SLC43A2: variants seen among roughly 807,000 people sequenced by gnomAD.
SLC43A2 encodes solute carrier family 43 member 2.
In SLC43A2, 38 loss-of-function variants were observed where a neutral mutation model predicts 63.2. That is an observed-to-expected ratio of 0.60 (90% CI 0.46 to 0.79). SLC43A2 has a LOEUF of 0.79. Ranked by LOEUF, SLC43A2 falls within the 30% of genes least tolerant of loss-of-function variation. SLC43A2 has a pLI of 0.00. For synonymous variants in SLC43A2, 322 were observed against 331.0 expected, an observed-to-expected ratio of 0.97 and a Z score of 0.30; for missense variants, 644 against 756.2, an observed-to-expected ratio of 0.85 and a Z score of 1.74.
At chr17:1,601,002 A>G (rs898021395) in intron 5 of SLC43A2, among the ~76,000 whole-genome samples, 1 of 151,970 alleles carries the variant, frequency 6.6e-6, no homozygotes, top group African/African-American at 2.4e-5. Context: ...ATCGCGTTGC[A>G]TATTTGCTGC....
rs943040776 is a variant in SLC43A2 at position 1,616,322 on chromosome 17, C to T, written c.368+240G>A. The T allele has an allele frequency of 7.4e-6, 4 of 542,128 alleles. No individual in the cohort carries two copies. In the African/African-American group the frequency reaches 7.6e-5, roughly 10 times the overall value. 33.6% of individuals were successfully genotyped at this position (542,128 alleles called of 1,614,324 possible). ...GGAAACACATGTTCTTAGTGACAAG[C>T]AGCTCCGGTCCCTGGGCGGCCTGGA... is the stretch of plus-strand genomic sequence containing the variant. On this transcript the variant is annotated intron_variant, in intron 3 of 13. Coordinates refer to ENST00000301335, the MANE Select transcript of SLC43A2 (RefSeq NM_152346.3).
intron 5 of SLC43A2, among the ~76,000 whole-genome samples, chr17:1,602,573 G>C (rs1906158393): frequency 6.6e-6 from 1 of 151,758 alleles, no homozygotes; most frequent in African/African-American, 2.4e-5. Context: ...TTGAACCCCA[G>C]AGGCAGAGGT....
chr17:1,609,555 C>G (rs532606729), intron 5 of SLC43A2, among the ~76,000 whole-genome samples: 1 of 152,280 alleles, frequency 6.6e-6, no homozygotes, highest in East Asian at 1.9e-4. Context: ...TTAAAACATG[C>G]TAATCCTGTG....
At position 1,599,950 on chromosome 17, in the gene SLC43A2, G is replaced by A. The variant is rs865824314; in HGVS notation, c.502-6671C>T. On this transcript the variant is annotated intron_variant, in intron 5 of 13. Transcript: ENST00000301335. ...TCCCAGCTACTCGGGAGGCTGAGAC[G>A]GGAGAATGGCGTGAACCTGGGAGGC... 2.5e-3 allele frequency among the ~76,000 whole-genome samples: 359 copies of A among 144,810 alleles called. 3 individuals carry two copies. The highest frequency in any genetic ancestry group is 8.3e-3 in the African/African-American group (325 of 39,116).
At chr17:1,610,381 G>T (rs981807448) in intron 5 of SLC43A2, among the ~76,000 whole-genome samples, 85 of 149,848 alleles carry the variant, frequency 5.7e-4, no homozygotes, top group Non-Finnish European at 9.5e-4. Flanking sequence ...TCCCACCTCA[G>T]CCTCCCGAGG....
intron 5 of SLC43A2, among the ~76,000 whole-genome samples, chr17:1,607,654 T>C (rs1598478194): frequency 6.6e-6 from 1 of 151,930 alleles, no homozygotes; most frequent in Non-Finnish European, 1.5e-5. Context: ...AACAGTGACG[T>C]AGCAGCTTCC....
At position 1,605,767 on chromosome 17, in the gene SLC43A2, G is replaced by A. The variant is rs1906552849; in HGVS notation, c.501+7428C>T. On this transcript the variant is annotated intron_variant, in intron 5 of 13. Coordinates refer to ENST00000301335, the MANE Select transcript of SLC43A2 (RefSeq NM_152346.3). This position sits in a 1 kb window ranked among gnomAD's most constrained non-coding sequence, Gnocchi z 4.9. ...CTGCACAGGTAGACTCTGCCAGGCT[G>A]GGCTGTTTCCTACCCACAACAACCG... is the stretch of plus-strand genomic sequence containing the variant. Among the ~76,000 whole-genome samples the A allele has an allele frequency of 6.6e-6, 1 of 152,192 alleles. No individual in the cohort carries two copies. Among genetic ancestry groups the A allele is most frequent in the South Asian group, 2.1e-4 (1 of 4,828 alleles).
chr17:1,621,318 G>A lies in SLC43A2; in HGVS notation c.161-4549C>T, dbSNP rs117008518. Among the ~76,000 whole-genome samples the A allele has an allele frequency of 8.3e-3, 1,263 of 152,232 alleles. 9 individuals carry two copies. The highest frequency in any genetic ancestry group is 0.014 in the Non-Finnish European group (934 of 68,006). The stretch of plus-strand genomic sequence containing the variant: ...GGGGCCAAGAAGTACCTGGCTTGAG[G>A]TCCCCTCTAAATTCCTGAGCTGCCC... On this transcript the variant is annotated intron_variant, in intron 2 of 13. Coordinates refer to ENST00000301335, the MANE Select transcript of SLC43A2 (RefSeq NM_152346.3).
intron 5 of SLC43A2, among the ~76,000 whole-genome samples, chr17:1,609,669 A>G (rs1419233508): frequency 6.6e-6 from 1 of 152,212 alleles, no homozygotes; most frequent in Admixed American, 6.5e-5. Context: ...CCAAAAGTCC[A>G]TTAGTTGGAA....
At chr17:1,604,830 C>T in intron 5 of SLC43A2, 1 of 1,535,770 alleles carries the variant, frequency 6.5e-7, no homozygotes, top group Non-Finnish European at 8.7e-7. Flanking sequence ...CGTAGGTCAT[C>T]CTGACATCTG....
chr17:1,585,751 C>T lies in SLC43A2; in HGVS notation c.1217+162G>A, dbSNP rs551476965. The T allele has an allele frequency of 5.1e-5, 81 of 1,583,008 alleles. No individual in the cohort carries two copies. In the Middle Eastern group the frequency reaches 6.6e-4, roughly 13 times the overall value. ...CATAAAGAGGGGAGCAGTTGAAACG[C>T]ATGCTGAGCTGAATGAGTGAGTCTC... On this transcript the variant is annotated intron_variant, in intron 10 of 13. Transcript: ENST00000301335.
chr17:1,587,590 G>A (rs901231391), intron 9 of SLC43A2, among the ~76,000 whole-genome samples: 3 of 152,184 alleles, frequency 2.0e-5, no homozygotes, highest in African/African-American at 7.2e-5. Context: ...GGAATGTCCT[G>A]GTCTAGAGGC....
intron 9 of SLC43A2, chr17:1,586,928 T>TGCCCCCCCCCCCCCC: frequency 3.2e-6 from 4 of 1,232,904 alleles, no homozygotes; most frequent in Non-Finnish European, 4.5e-6. Context: ...TCCCTGACAA[T>TGCCCCCCCCCCCCCC]CCCCCCCACC....
At chr17:1,628,835 C>G (rs1027911495), upstream of SLC43A2, 2 of 152,538 alleles carry the variant, frequency 1.3e-5, no homozygotes, top group African/African-American at 4.8e-5. Flanking sequence ...GGCGCCTTTT[C>G]TGCCCTCTTT....
At chr17:1,576,812 CAG>C (rs2075940451) in intron 12 of SLC43A2, 92 bp from the exon 13 acceptor site, 4 of 1,488,658 alleles carry the variant, frequency 2.7e-6, no homozygotes, top group Admixed American at 2.3e-5. Flanking sequence ...CCGTTGGTGC[CAG>C]AGAAGGGTGG....
chr17:1,593,240 C>T lies in SLC43A2; in HGVS notation c.541G>A (p.Ala181Thr), dbSNP rs1904988453. The T allele has an allele frequency of 1.2e-6, 2 of 1,614,062 alleles. No individual in the cohort carries two copies. Among genetic ancestry groups the T allele is most frequent in the Non-Finnish European group, 1.7e-6 (2 of 1,180,002 alleles). Residue 181 changes from alanine (A) to threonine (T), a missense_variant, in exon 6 of 14, where the codon GCC becomes ACC. Physicochemically the swap from Ala to Thr is moderately conservative, Grantham distance 58. Transcript: ENST00000301335. The surrounding 1 kb of genome is among the most constrained non-coding windows in gnomAD (Gnocchi z 5.3). ...MFGDLRSTFI[A>T]LMIGSYASSA... ...GAGGCGTAGGACCCAATCATCAAGG[C>T]AATAAACGTGGACCGAAGGTCGCCG...
intron 5 of SLC43A2, among the ~76,000 whole-genome samples, chr17:1,596,368 C>G (rs906515156): frequency 1.3e-5 from 2 of 151,934 alleles, no homozygotes; most frequent in African/African-American, 4.8e-5. Context: ...TCGTGCCTGT[C>G]ATCCCAGCAC....
chr17:1,593,291 G>C lies in SLC43A2; in HGVS notation c.502-12C>G, dbSNP rs766106813. On this transcript the variant is annotated splice_polypyrimidine_tract_variant and intron_variant, in intron 5 of 13. Transcript: ENST00000301335. This position sits in a 1 kb window ranked among gnomAD's most constrained non-coding sequence, Gnocchi z 5.3. ...AACATGTTGGGCAGCTGAGAGATAA[G>C]AAGCAGAGAAACCTCAGTGGGGAGG... The C allele has an allele frequency of 1.2e-6, 2 of 1,612,370 alleles. No homozygotes were observed. The highest frequency in any genetic ancestry group is 2.2e-5 in the East Asian group (1 of 44,866).
rs1219088746 is a variant in SLC43A2, at chr17:1,605,888, G to A, written c.501+7307C>T. On this transcript the variant is annotated intron_variant, in intron 5 of 13. Coordinates refer to ENST00000301335, the MANE Select transcript of SLC43A2 (RefSeq NM_152346.3). The surrounding 1 kb of genome is among the most constrained non-coding windows in gnomAD (Gnocchi z 4.9). ...GGGGAAGGGTGTGCTCCCCTCCCCCGGCCACCTCCTGTGCCTTCCCGGCCG... is the reference window on the plus strand; with the variant it reads ...GGGGAAGGGTGTGCTCCCCTCCCCCAGCCACCTCCTGTGCCTTCCCGGCCG... Among the ~76,000 whole-genome samples, 2 of 152,108 alleles carry A rather than the reference G, an allele frequency of 1.3e-5. No individual in the cohort carries two copies. The highest frequency in any genetic ancestry group is 2.4e-5 in the African/African-American group (1 of 41,412).
Sources: gnomAD v4.1 joint callset for allele counts (sites outside exome capture counted in the v4.1 genomes callset) on GRCh38, gnomAD v4.1.1 for gene constraint, Gnocchi (gnomAD v3.1) non-coding constraint, MANE v1.5 for transcripts, NCBI Gene and HGNC (gene_info 2026-07-23, HGNC 2026-07-21) for gene names.